The following CREB5 variants were observed in gnomAD, a reference collection of about 807,000 sequenced individuals.
The protein encoded by CREB5 is cyclic AMP-responsive element-binding protein 5.
In CREB5, 19 loss-of-function variants were observed where a neutral mutation model predicts 57.1. The ratio of observed to expected loss-of-function variants is 0.33; its 90% CI spans 0.23 to 0.49. The LOEUF (loss-of-function observed/expected upper bound fraction) is 0.49. Among genes scored for constraint, CREB5 ranks in the 20% least tolerant of loss-of-function variants. The probability of loss-of-function intolerance (pLI) is 0.99; values close to 1 mark genes in which losing one functional copy is unlikely to be tolerated. For synonymous variants in CREB5, 238 were observed against 238.3 expected, an observed-to-expected ratio of 1.00 and a Z score of 0.01; for missense variants, 579 against 671.6, an observed-to-expected ratio of 0.86 and a Z score of 1.52.
At chr7:28,357,697 G>A (rs1043501761) in intron 1 of CREB5, among the ~76,000 whole-genome samples, 1 of 152,164 alleles carries the variant, frequency 6.6e-6, no homozygotes, top group African/African-American at 2.4e-5. Flanking sequence ...GGGGAACACG[G>A]AGTATATGCA....
At chr7:28,725,829 G>A (rs527968014) in intron 7 of CREB5, among the ~76,000 whole-genome samples, 1 of 152,198 alleles carries the variant, frequency 6.6e-6, no homozygotes, top group African/African-American at 2.4e-5. Context: ...TTCAGGGTCT[G>A]TACCTTTTGG....
At chr7:28,603,485 A>G (rs1797000379) in intron 5 of CREB5, among the ~76,000 whole-genome samples, 1 of 152,132 alleles carries the variant, frequency 6.6e-6, no homozygotes, top group Non-Finnish European at 1.5e-5. Context: ...GCTCCCCATC[A>G]CTATTCCTGT....
chr7:28,385,090 A>T (rs979765391), intron 1 of CREB5, among the ~76,000 whole-genome samples: 2 of 152,226 alleles, frequency 1.3e-5, no homozygotes, highest in Non-Finnish European at 2.9e-5. Context: ...GGAAGTATGT[A>T]TAACTCATAG....
intron 3 of CREB5, 55 bp downstream of exon 3, chr7:28,495,054 A>T: frequency 8.0e-7 from 1 of 1,249,676 alleles, no homozygotes; most frequent in South Asian, 1.6e-5. Context: ...TCCATGCGAG[A>T]TACTTGTTCT....
At position 28,401,576 on chromosome 7, in the gene CREB5, C is replaced by T. The variant is rs147369189; in HGVS notation, c.-24-93330C>T. On this transcript the variant is annotated intron_variant, in intron 1 of 9. Transcript: ENST00000396299. Reference sequence around the variant, plus strand: ...TATCCCTCTCCCCTTTCCCCAACCACGACAGGCCCCGGTGTGTGATGTTCC... The same window carrying T: ...TATCCCTCTCCCCTTTCCCCAACCATGACAGGCCCCGGTGTGTGATGTTCC... Among the ~76,000 whole-genome samples, 324 of 152,186 alleles carry T rather than the reference C, an allele frequency of 2.1e-3. 3 individuals are homozygous for T. The highest frequency in any genetic ancestry group is 7.3e-3 in the African/African-American group (302 of 41,522).
intron 4 of CREB5, among the ~76,000 whole-genome samples, chr7:28,560,879 C>CGTGCGTGCGCGTGCGCGT (rs1795133436): frequency 4.5e-5 from 1 of 22,060 alleles, no homozygotes; most frequent in Admixed American, 6.2e-4. Context: ...CGTGCGCGTG[C>CGTGCGTGCGCGTGCGCGT]GTGCGTGCGT....
At chr7:28,386,080 A>T (rs1159606022) in intron 1 of CREB5, among the ~76,000 whole-genome samples, 1 of 152,168 alleles carries the variant, frequency 6.6e-6, no homozygotes, top group Non-Finnish European at 1.5e-5. Context: ...CAATTTAGAC[A>T]TTAATATTGT....
At chr7:28,643,751 T>TGGGG (rs1554279434) in intron 5 of CREB5, among the ~76,000 whole-genome samples, 25 of 133,540 alleles carry the variant, frequency 1.9e-4, no homozygotes, top group Non-Finnish European at 3.1e-4. Flanking sequence ...GTTTGGGAGG[T>TGGGG]GGGGGGGGGC....
chr7:28,647,336 C>G (rs1330044452), intron 5 of CREB5, among the ~76,000 whole-genome samples: 2 of 151,984 alleles, frequency 1.3e-5, no homozygotes, highest in Non-Finnish European at 2.9e-5. Context: ...ACCAAGCCTG[C>G]ATTGTGTGCT....
intron 5 of CREB5, among the ~76,000 whole-genome samples, chr7:28,708,486 G>C (rs545281411): frequency 1.3e-5 from 2 of 152,294 alleles, no homozygotes; most frequent in African/African-American, 4.8e-5. Flanking sequence ...AAGAGACCCT[G>C]CCTTGAGATT....
chr7:28,638,308 C>A (rs1200179478), intron 5 of CREB5, among the ~76,000 whole-genome samples: 1 of 149,960 alleles, frequency 6.7e-6, no homozygotes, highest in East Asian at 1.9e-4. Context: ...CACACACACA[C>A]ACAGTGAGGG....
At chr7:28,405,589 A>C (rs970548858) in intron 1 of CREB5, among the ~76,000 whole-genome samples, 1 of 151,856 alleles carries the variant, frequency 6.6e-6, no homozygotes, top group East Asian at 1.9e-4. Flanking sequence ...ATTTTTAAAA[A>C]CTTTTTGTAG....
intron 3 of CREB5, among the ~76,000 whole-genome samples, chr7:28,497,348 G>A (rs1031369468): frequency 6.6e-5 from 10 of 152,338 alleles, no homozygotes; most frequent in South Asian, 2.1e-4. Context: ...TGTTCTTACC[G>A]GATCCTTATT....
intron 1 of CREB5, among the ~76,000 whole-genome samples, chr7:28,400,765 G>C (rs749206978): frequency 6.6e-5 from 10 of 152,098 alleles, no homozygotes; most frequent in Non-Finnish European, 1.3e-4. Context: ...ATTTTAAAAA[G>C]GTACTTATAA....
intron 1 of CREB5, among the ~76,000 whole-genome samples, chr7:28,381,299 C>A (rs1345489978): frequency 3.3e-5 from 5 of 152,180 alleles, no homozygotes; most frequent in African/African-American, 4.8e-5. Context: ...TATTGAGTGC[C>A]TTCCTCATAA....
At chr7:28,460,366 A>G (rs570124061) in intron 1 of CREB5, among the ~76,000 whole-genome samples, 1 of 152,318 alleles carries the variant, frequency 6.6e-6, no homozygotes, top group East Asian at 1.9e-4. Context: ...AAATAACCCA[A>G]TGATATACAT....
intron 4 of CREB5, among the ~76,000 whole-genome samples, chr7:28,542,988 A>G (rs1250097685): frequency 1.3e-5 from 2 of 152,054 alleles, no homozygotes; most frequent in African/African-American, 2.4e-5. Context: ...TATTTTCCTC[A>G]TCATCATAAT....
chr7:28,707,092 A>T (rs1420593167), intron 5 of CREB5, among the ~76,000 whole-genome samples: 2 of 152,064 alleles, frequency 1.3e-5, no homozygotes, highest in East Asian at 1.9e-4. Context: ...TGAGAAGAGG[A>T]TGGGGGATAA....
chr7:28,538,041 T>TTGTTG (rs1295876644), intron 4 of CREB5, among the ~76,000 whole-genome samples: 1 of 133,372 alleles, frequency 7.5e-6, no homozygotes, highest in Non-Finnish European at 1.6e-5. Context: ...GTTGTTGTTG[T>TTGTTG]TATCGTTTTG....
Sources: gnomAD v4.1 joint callset for allele counts (sites outside exome capture counted in the v4.1 genomes callset) on GRCh38, gnomAD v4.1.1 for gene constraint, MANE v1.5 for transcripts, NCBI Gene and HGNC (gene_info 2026-07-23, HGNC 2026-07-21) for gene names.